ZFHX3: variants seen among roughly 807,000 people sequenced by gnomAD.
ZFHX3 encodes zinc finger homeobox 3, also known as zinc finger homeobox protein 3.
In ZFHX3, 42 loss-of-function variants were observed where a neutral mutation model predicts 279.1. The observed-to-expected ratio is 0.15, with a 90% CI of 0.12 to 0.19. The LOEUF (loss-of-function observed/expected upper bound fraction) is 0.19. Ranked by LOEUF, ZFHX3 falls within the 10% of genes least tolerant of loss-of-function variation. ZFHX3 has a pLI of 1.00. For missense variants in ZFHX3, 4,981 were observed against 4,754.0 expected, an observed-to-expected ratio of 1.05 and a Z score of -1.40; for synonymous variants, 2,293 against 1,957.8, an observed-to-expected ratio of 1.17 and a Z score of -4.52.
chr16:73,443,439 T>C (rs2018130255), intron 3 of ZFHX3, among the ~76,000 whole-genome samples: 1 of 152,214 alleles, frequency 6.6e-6, no homozygotes. Flanking sequence ...TTGCAAAAGA[T>C]GATAGTTTCT....
intron 1 of ZFHX3, among the ~76,000 whole-genome samples, chr16:72,968,955 C>A (rs950219943): frequency 6.6e-6 from 1 of 152,018 alleles, no homozygotes; most frequent in Non-Finnish European, 1.5e-5. Context: ...CACATATATA[C>A]ACACATATAT....
chr16:73,800,583 C>T (rs1473102622), intron 1 of ZFHX3, among the ~76,000 whole-genome samples: 1 of 152,060 alleles, frequency 6.6e-6, no homozygotes, highest in Non-Finnish European at 1.5e-5. Flanking sequence ...CTCTTTCCCC[C>T]TGTTCTGAAG....
intron 5 of ZFHX3, among the ~76,000 whole-genome samples, chr16:73,200,540 AT>A (rs1386687553): frequency 6.6e-6 from 1 of 152,204 alleles, no homozygotes; most frequent in East Asian, 1.9e-4. Flanking sequence ...GAAGAAGTGT[AT>A]TTTAGATTGG....
intron 2 of ZFHX3, among the ~76,000 whole-genome samples, chr16:73,526,317 T>C (rs1412208304): frequency 3.3e-5 from 5 of 152,230 alleles, no homozygotes; most frequent in Admixed American, 6.5e-5. Context: ...GCCAGTGCGC[T>C]CTAGCAAGGC....
intron 3 of ZFHX3, among the ~76,000 whole-genome samples, chr16:73,431,398 G>C (rs1318708307): frequency 6.6e-6 from 1 of 152,002 alleles, no homozygotes; most frequent in African/African-American, 2.4e-5. Flanking sequence ...AAATTAGCCG[G>C]GCTATGGTGG....
chr16:73,260,267 A>C (rs1464757600), intron 4 of ZFHX3, among the ~76,000 whole-genome samples: 3 of 152,156 alleles, frequency 2.0e-5, no homozygotes, highest in Middle Eastern at 3.2e-3. Context: ...AATACTGGTG[A>C]TGCCATTTCG....
chr16:72,829,009 T>TC (rs758998812), intron 5 of ZFHX3, among the ~76,000 whole-genome samples: 3 of 150,424 alleles, frequency 2.0e-5, no homozygotes, highest in Non-Finnish European at 3.0e-5. Context: ...TTTTTTTTTT[T>TC]CCCCGAGATA....
intron 4 of ZFHX3, among the ~76,000 whole-genome samples, chr16:72,867,381 T>C (rs1175996234): frequency 1.3e-5 from 2 of 152,194 alleles, no homozygotes; most frequent in African/African-American, 4.8e-5. Context: ...CTCTGTCTAA[T>C]CCTGAGCAGG....
intron 7 of ZFHX3, among the ~76,000 whole-genome samples, chr16:73,105,337 G>T (rs144729088): frequency 9.6e-6 from 1 of 104,366 alleles, no homozygotes; most frequent in Non-Finnish European, 1.9e-5. Flanking sequence ...ACACACACAC[G>T]TGTGTATATA....
intron 1 of ZFHX3, among the ~76,000 whole-genome samples, chr16:72,971,921 T>G (rs1025885165): frequency 1.5e-4 from 20 of 137,624 alleles, no homozygotes; most frequent in Admixed American, 1.4e-3. Flanking sequence ...AGTTTCACCC[T>G]GCTGCCCAGG....
At chr16:73,421,969 C>G (rs1332295592) in intron 3 of ZFHX3, among the ~76,000 whole-genome samples, 1 of 152,190 alleles carries the variant, frequency 6.6e-6, no homozygotes, top group Non-Finnish European at 1.5e-5. Context: ...GATTCCAGGA[C>G]AAATCACAAC....
chr16:73,675,097 C>T (rs2052941394), intron 2 of ZFHX3, among the ~76,000 whole-genome samples: 1 of 152,156 alleles, frequency 6.6e-6, no homozygotes, highest in Non-Finnish European at 1.5e-5. Context: ...GCCCCAACAC[C>T]TCCTCCTTAT....
At chr16:73,526,946 G>T (rs1047797620) in intron 2 of ZFHX3, among the ~76,000 whole-genome samples, 2 of 151,722 alleles carry the variant, frequency 1.3e-5, no homozygotes, top group African/African-American at 4.8e-5. Context: ...AGACACAAAA[G>T]AATAAACTCC....
chr16:73,255,331 A>C (rs918754721), intron 5 of ZFHX3, among the ~76,000 whole-genome samples: 7 of 152,230 alleles, frequency 4.6e-5, no homozygotes, highest in Non-Finnish European at 8.8e-5. Context: ...GAAACAAGGT[A>C]AACAAATAAA....
intron 5 of ZFHX3, among the ~76,000 whole-genome samples, chr16:73,248,515 T>G (rs1293337031): frequency 1.3e-5 from 2 of 151,864 alleles, no homozygotes; most frequent in Admixed American, 6.6e-5. Flanking sequence ...TGTGTGTAGA[T>G]ACCGTGTATA....
chr16:73,416,488 G>A (rs1380212715), intron 3 of ZFHX3, among the ~76,000 whole-genome samples: 1 of 152,122 alleles, frequency 6.6e-6, no homozygotes, highest in Non-Finnish European at 1.5e-5. Flanking sequence ...TAACTTTAGG[G>A]GGAACATGGA....
intron 7 of ZFHX3, among the ~76,000 whole-genome samples, chr16:73,117,350 C>A (rs1966444856): frequency 6.6e-6 from 1 of 152,104 alleles, no homozygotes; most frequent in Non-Finnish European, 1.5e-5. Context: ...TATGCACATG[C>A]ATAATTGTAT....
At chr16:73,875,376 A>G (rs2029915199) in intron 1 of ZFHX3, among the ~76,000 whole-genome samples, 1 of 152,212 alleles carries the variant, frequency 6.6e-6, no homozygotes, top group Non-Finnish European at 1.5e-5. Flanking sequence ...CACAGTTACA[A>G]GGTTTTGCTG....
chr16:73,190,619 G>A (rs1221050613), intron 5 of ZFHX3, among the ~76,000 whole-genome samples: 4 of 152,208 alleles, frequency 2.6e-5, no homozygotes, highest in African/African-American at 9.7e-5. Flanking sequence ...TGCGTAAGAA[G>A]GGGACCCAGG....
Sources: gnomAD v4.1 joint callset for allele counts (sites outside exome capture counted in the v4.1 genomes callset) on GRCh38, gnomAD v4.1.1 for gene constraint, MANE v1.5 for transcripts, NCBI Gene and HGNC (gene_info 2026-07-23, HGNC 2026-07-21) for gene names.